The following LPCAT2 variants were observed in gnomAD, a reference collection of about 807,000 sequenced individuals.
LPCAT2 encodes the protein lysophosphatidylcholine acyltransferase 2, also known as 1-AGP acyltransferase 11.
LPCAT2 carries 58 observed loss-of-function variants against 64.7 expected under a neutral mutation model. The ratio of observed to expected loss-of-function variants is 0.90; its 90% CI spans 0.73 to 1.12. The LOEUF is 1.12. LPCAT2 is among the 50% of genes most tolerant of loss of function. LPCAT2 has a pLI of 0.00. For synonymous variants in LPCAT2, 252 were observed against 245.3 expected (o/e 1.03, Z -0.26); for missense variants, 579 against 669.8 (o/e 0.86, Z 1.50).
chr16:55,551,347 A>G (rs1336570160), intron 11 of LPCAT2: 5 of 173,396 alleles, frequency 2.9e-5, no homozygotes, highest in Non-Finnish European at 4.8e-5. Flanking sequence ...TATCATATAT[A>G]TATCTATTAT....
chr16:55,535,222 T>G (rs1203486361), intron 7 of LPCAT2, among the ~76,000 whole-genome samples: 3 of 152,148 alleles, frequency 2.0e-5, no homozygotes, highest in Non-Finnish European at 2.9e-5. Context: ...AGCACAAAGC[T>G]CAGATAACAT....
chr16:55,575,042 A>G (rs1963812292), intron 12 of LPCAT2, among the ~76,000 whole-genome samples: 1 of 152,034 alleles, frequency 6.6e-6, no homozygotes, highest in South Asian at 2.1e-4. Context: ...AAGTTTATAA[A>G]TAAACACCAC....
At chr16:55,537,802 C>G (rs1214306976) in intron 8 of LPCAT2, among the ~76,000 whole-genome samples, 170 bp downstream of exon 8, 1 of 152,186 alleles carries the variant, frequency 6.6e-6, no homozygotes. Flanking sequence ...TAGAAAACAC[C>G]TCTAGATTCT....
chr16:55,525,861 A>G, intron 2 of LPCAT2: 1 of 310,052 alleles, frequency 3.2e-6, no homozygotes, highest in Non-Finnish European at 5.8e-6. Flanking sequence ...ATACGTAGAA[A>G]TTACTGCCCA....
intron 11 of LPCAT2, among the ~76,000 whole-genome samples, chr16:55,560,758 T>C (rs1327080197): frequency 3.3e-5 from 5 of 152,084 alleles, no homozygotes; most frequent in Non-Finnish European, 2.9e-5. Flanking sequence ...GAGACTAGAA[T>C]TCCTAGTTTG....
chr16:55,554,356 T>C (rs1445618547), intron 11 of LPCAT2, among the ~76,000 whole-genome samples: 2 of 152,224 alleles, frequency 1.3e-5, no homozygotes, highest in African/African-American at 4.8e-5. Flanking sequence ...CTGCAGCTTC[T>C]CCATTAGCAC....
intron 13 of LPCAT2, among the ~76,000 whole-genome samples, chr16:55,581,851 T>C (rs1963890172): frequency 6.6e-6 from 1 of 152,296 alleles, no homozygotes; most frequent in African/African-American, 2.4e-5. Flanking sequence ...CAAGTCCTGA[T>C]AGTTAACTAA....
At chr16:55,534,544 T>G in intron 7 of LPCAT2, 67 bp downstream of exon 7, 2 of 731,950 alleles carry the variant, frequency 2.7e-6, no homozygotes, top group Admixed American at 2.6e-5. Context: ...GAAAGATCAT[T>G]TATTCATTCT....
chr16:55,559,489 A>G (rs573849091), intron 11 of LPCAT2, among the ~76,000 whole-genome samples: 1 of 152,274 alleles, frequency 6.6e-6, no homozygotes, highest in Non-Finnish European at 1.5e-5. Context: ...TTGAGTGCCA[A>G]TAATAACAAA....
In LPCAT2 at chr16:55,534,499, T is replaced by C. The variant is rs1963298801; in HGVS notation, c.797+22T>C. 2.4e-6 allele frequency: 3 copies of C among 1,230,006 alleles called. No homozygotes were observed. The Admixed American group carries it at 6.7e-5, about 28-fold the overall frequency. 76.2% of individuals were successfully genotyped at this position (1,230,006 alleles called of 1,614,324 possible). On this transcript the variant is annotated intron_variant, in intron 7 of 13. Transcript: ENST00000262134. ...CATTGTAAGTCACTTATGTCTATTA[T>C]TAGTTTATATAAATTTTATTTTAGT...
chr16:55,543,450 T>C (rs1055414654), intron 8 of LPCAT2, among the ~76,000 whole-genome samples: 2 of 152,190 alleles, frequency 1.3e-5, no homozygotes, highest in African/African-American at 4.8e-5. Flanking sequence ...TTGACTTTTT[T>C]AAAAAATGAA....
At chr16:55,566,605 T>C (rs1250871367) in intron 11 of LPCAT2, 9 of 763,618 alleles carry the variant, frequency 1.2e-5, no homozygotes, top group East Asian at 2.7e-5. Context: ...GTATCTTCAG[T>C]AGGATGTGAA....
rs117430355 is a variant in LPCAT2, at chr16:55,580,507, C to A, written c.1450+1263C>A. Among the ~76,000 whole-genome samples the A allele has an allele frequency of 2.0e-5, 3 of 152,146 alleles. No homozygotes were observed. In the East Asian group the frequency reaches 5.8e-4, roughly 29 times the overall value. ...GAAATCTGCTTTGTTTTTTGGAGTTCAACCTTTTTCTTTGCAGAATACAGA... is the reference window on the plus strand; with the variant it reads ...GAAATCTGCTTTGTTTTTTGGAGTTAAACCTTTTTCTTTGCAGAATACAGA... On this transcript the variant is annotated intron_variant, in intron 13 of 13. Transcript: ENST00000262134.
chr16:55,585,405 C>G lies in LPCAT2; in HGVS notation c.*2307C>G, dbSNP rs960611988. On this transcript the variant is annotated 3_prime_UTR_variant, in exon 14 of 14. Transcript: ENST00000262134. ...GAATTTTATATAGTAACACACAAGTCGTGATCATCAATATTATTGCAGACC... is the reference window on the plus strand; with the variant it reads ...GAATTTTATATAGTAACACACAAGTGGTGATCATCAATATTATTGCAGACC... 6.6e-6 allele frequency: 1 copy of G among 152,166 alleles called. No homozygotes were observed. The highest frequency in any genetic ancestry group is 1.5e-5 in the Non-Finnish European group (1 of 68,026). 9.4% of individuals were successfully genotyped at this position (152,166 alleles called of 1,614,324 possible).
chr16:55,580,704 G>A (rs1386004263), intron 13 of LPCAT2, among the ~76,000 whole-genome samples: 3 of 152,182 alleles, frequency 2.0e-5, no homozygotes, highest in African/African-American at 7.2e-5. Flanking sequence ...CTTAGGCCAT[G>A]GACCGGTGCC....
At chr16:55,572,597 A>G (rs1435565529) in intron 11 of LPCAT2, among the ~76,000 whole-genome samples, 1 of 136,610 alleles carries the variant, frequency 7.3e-6, no homozygotes, top group Non-Finnish European at 1.6e-5. Context: ...GCCTTCTCTG[A>G]AACATCTGGA....
intron 4 of LPCAT2, among the ~76,000 whole-genome samples, chr16:55,531,069 G>C: frequency 6.6e-6 from 1 of 152,082 alleles, no homozygotes; most frequent in South Asian, 2.1e-4. Context: ...ATTGTATCCC[G>C]TTGTCATAGG....
intron 11 of LPCAT2, among the ~76,000 whole-genome samples, chr16:55,554,434 T>C (rs577982727): frequency 6.6e-6 from 1 of 152,334 alleles, no homozygotes; most frequent in South Asian, 2.1e-4. Context: ...TGAACCAACC[T>C]CTGCTAGCTT....
chr16:55,575,852 A>AAG (rs1420381111), intron 12 of LPCAT2, among the ~76,000 whole-genome samples: 2 of 152,248 alleles, frequency 1.3e-5, no homozygotes, highest in Non-Finnish European at 2.9e-5. Context: ...GTTGATGCTT[A>AAG]GCAGATGGTC....
Sources: gnomAD v4.1 joint callset for allele counts (sites outside exome capture counted in the v4.1 genomes callset) on GRCh38, gnomAD v4.1.1 for gene constraint, MANE v1.5 for transcripts, NCBI Gene and HGNC (gene_info 2026-07-23, HGNC 2026-07-21) for gene names.